MCUB: variants seen among roughly 807,000 people sequenced by gnomAD.
MCUB encodes calcium uniporter regulatory subunit MCUb, mitochondrial.
Under a neutral mutation model 41.4 loss-of-function variants are expected in MCUB, and 46 were observed. The observed-to-expected ratio is 1.11, with a 90% CI of 0.88 to 1.42. The LOEUF is 1.42. Among genes scored for constraint, MCUB ranks in the 40% most tolerant of loss-of-function variants. The pLI, the probability that MCUB is intolerant of heterozygous loss-of-function variation, is 0.00. For missense variants in MCUB, 403 were observed against 404.9 expected (o/e 1.00, Z 0.04); for synonymous variants, 148 against 148.2 (o/e 1.00, Z 0.01).
At chr4:109,651,612 A>T (rs552376622) in intron 1 of MCUB, among the ~76,000 whole-genome samples, 30 of 152,308 alleles carry the variant, frequency 2.0e-4, no homozygotes, top group African/African-American at 6.7e-4. Flanking sequence ...TCTTTTAAAA[A>T]TTTTATATTT....
At chr4:109,620,420 G>A (rs893116344) in intron 1 of MCUB, among the ~76,000 whole-genome samples, 1 of 150,552 alleles carries the variant, frequency 6.6e-6, no homozygotes, top group South Asian at 2.1e-4. Flanking sequence ...TATCATAGAA[G>A]GATTTTAGTT....
intron 5 of MCUB, chr4:109,682,991 A>G: frequency 8.6e-6 from 3 of 347,514 alleles, no homozygotes; most frequent in Non-Finnish European, 1.6e-5. Flanking sequence ...CAGAGCTGCC[A>G]TCTTAAACTC....
chr4:109,592,827 C>G lies in MCUB; in HGVS notation c.99+32391C>G, dbSNP rs115060877. ...CTCATACTTCTATAAAGATATAAAA[C>G]ATTTCCATCACACCAGCAAGTTCTC... On this transcript the variant is annotated intron_variant, in intron 1 of 7. Coordinates refer to ENST00000394650, the MANE Select transcript of MCUB (RefSeq NM_017918.5). 5.5e-3 allele frequency among the ~76,000 whole-genome samples: 841 copies of G among 152,270 alleles called. 6 individuals are homozygous for G. Among genetic ancestry groups the G allele is most frequent in the African/African-American group, 0.019 (784 of 41,538 alleles).
In MCUB at chr4:109,621,060, G is replaced by A. The variant is rs182472735; in HGVS notation, c.100-37951G>A. 9.9e-5 allele frequency among the ~76,000 whole-genome samples: 15 copies of A among 152,024 alleles called. 1 individual carries two copies. The South Asian group carries it at 2.1e-3, about 21-fold the overall frequency. On this transcript the variant is annotated intron_variant, in intron 1 of 7. Transcript: ENST00000394650. ...ATTATAGGTGCATGCCACCACGCCC[G>A]GCTAATTTTTGTATTTTTTTAGTAC...
intron 1 of MCUB, among the ~76,000 whole-genome samples, chr4:109,646,956 A>G (rs1422767260): frequency 6.6e-6 from 1 of 152,226 alleles, no homozygotes; most frequent in Non-Finnish European, 1.5e-5. Context: ...AGAAGTAACT[A>G]TAGAACAAGA....
At chr4:109,648,647 G>T (rs1192422844) in intron 1 of MCUB, 1 of 443,176 alleles carries the variant, frequency 2.3e-6, no homozygotes, top group Non-Finnish European at 4.5e-6. Context: ...CATAGATCTA[G>T]AGGCAAGTAA....
intron 1 of MCUB, among the ~76,000 whole-genome samples, chr4:109,567,131 C>CT: frequency 1.8e-5 from 1 of 56,000 alleles, no homozygotes; most frequent in African/African-American, 5.6e-5. Flanking sequence ...GACTCCATCT[C>CT]AAAAAAAAAA....
intron 1 of MCUB, among the ~76,000 whole-genome samples, chr4:109,637,966 T>G (rs1050007269): frequency 6.6e-6 from 1 of 152,208 alleles, no homozygotes; most frequent in Admixed American, 6.5e-5. Context: ...ATATTGCAGG[T>G]TTGGTTCCAG....
intron 1 of MCUB, among the ~76,000 whole-genome samples, chr4:109,566,903 A>G (rs112793752): frequency 2.0e-5 from 3 of 152,300 alleles, no homozygotes; most frequent in Non-Finnish European, 4.4e-5. Context: ...AGATTAATCA[A>G]TATTTAAGAC....
intron 3 of MCUB, among the ~76,000 whole-genome samples, chr4:109,660,680 G>A (rs897960366): frequency 6.6e-6 from 1 of 152,024 alleles, no homozygotes; most frequent in African/African-American, 2.4e-5. Flanking sequence ...GCCACCCGTG[G>A]TGGTACATAC....
intron 1 of MCUB, among the ~76,000 whole-genome samples, chr4:109,642,984 G>A (rs11931318): frequency 0.56 from 82,890 of 148,174 alleles, 23,376 homozygotes; most frequent in South Asian, 0.62. Flanking sequence ...TAATAGAGAC[G>A]GGGTTTCACT....
At chr4:109,615,719 T>G (rs1728113599) in intron 1 of MCUB, among the ~76,000 whole-genome samples, 3 of 152,162 alleles carry the variant, frequency 2.0e-5, no homozygotes, top group Non-Finnish European at 4.4e-5. Context: ...TAGATGTGAA[T>G]TTATTTGCTA....
chr4:109,628,263 A>G (rs1728404558), intron 1 of MCUB, among the ~76,000 whole-genome samples: 1 of 152,220 alleles, frequency 6.6e-6, no homozygotes, highest in African/African-American at 2.4e-5. Context: ...TGTAAGGAAT[A>G]CATTAGAAGG....
chr4:109,678,964 C>G (rs1181682930), intron 4 of MCUB, among the ~76,000 whole-genome samples: 1 of 149,888 alleles, frequency 6.7e-6, no homozygotes, highest in Non-Finnish European at 1.5e-5. Flanking sequence ...GCGCTCCTCA[C>G]TTCCCATTCG....
intron 1 of MCUB, among the ~76,000 whole-genome samples, chr4:109,583,361 G>A (rs1727229143): frequency 6.6e-6 from 1 of 151,958 alleles, no homozygotes; most frequent in Non-Finnish European, 1.5e-5. Context: ...TTGGCTCTGT[G>A]TGTCTGTTCT....
intron 1 of MCUB, among the ~76,000 whole-genome samples, chr4:109,643,148 G>A (rs1042318280): frequency 6.6e-6 from 1 of 151,776 alleles, no homozygotes; most frequent in African/African-American, 2.4e-5. Flanking sequence ...AAACATCCAA[G>A]AGAAAAAATA....
intron 1 of MCUB, among the ~76,000 whole-genome samples, chr4:109,581,318 T>G (rs1727168624): frequency 6.6e-6 from 1 of 152,224 alleles, no homozygotes; most frequent in Non-Finnish European, 1.5e-5. Context: ...CTGGGAAAAC[T>G]GGCTAGCCAT....
intron 6 of MCUB, 59 bp downstream of exon 6, chr4:109,684,705 TAAGC>T: frequency 2.5e-6 from 2 of 811,664 alleles, no homozygotes; most frequent in South Asian, 3.4e-5. Flanking sequence ...ATGTCTTATC[TAAGC>T]AATGAGCAAA....
At position 109,560,356 on chromosome 4, in the gene MCUB, T is replaced by G; in HGVS notation, c.19T>G (p.Trp7Gly). 7.6e-7 allele frequency: 1 copy of G among 1,315,992 alleles called. No individual in the cohort carries two copies. Among genetic ancestry groups the G allele is most frequent in the Non-Finnish European group, 9.7e-7 (1 of 1,033,478 alleles). The allele number at this position is 1,315,992 out of a possible 1,614,324, so 81.5% of individuals were successfully genotyped here. The change falls in exon 1 of 8, where the codon TGG becomes GGG. Residue 7 changes from tryptophan (W) to glycine (G), a missense_variant. By Grantham distance (184) the Trp-to-Gly change is radical (BLOSUM62 -2). Coordinates refer to ENST00000394650, the MANE Select transcript of MCUB (RefSeq NM_017918.5). Reference sequence around the variant, plus strand: ...CGGGAGGATGCTCCAGAGGGGCCTCTGGCCGTGGCGCACGCGGCTGCTGCC... The same window carrying G: ...CGGGAGGATGCTCCAGAGGGGCCTCGGGCCGTGGCGCACGCGGCTGCTGCC... MLQRGL[W>G]PWRTRLLPTP...
Sources: allele counts gnomAD v4.1 joint callset (sites outside exome capture counted in the v4.1 genomes callset), GRCh38; gene constraint gnomAD v4.1.1; transcripts MANE v1.5; gene names NCBI Gene and HGNC (gene_info 2026-07-23, HGNC 2026-07-21).